Variants in COL18A1 observed in about 807,000 individuals in gnomAD.
The protein encoded by COL18A1 is collagen alpha-1(XVIII) chain.
In COL18A1, 133 loss-of-function variants were observed where a neutral mutation model predicts 168.0. The observed-to-expected ratio is 0.79, with a 90% CI of 0.69 to 0.91. COL18A1 has a LOEUF of 0.91. Ranked by LOEUF, COL18A1 falls within the 40% of genes least tolerant of loss-of-function variation. COL18A1 has a pLI of 0.00. For synonymous variants in COL18A1, 949 were observed against 809.0 expected, an observed-to-expected ratio of 1.17 and a Z score of -2.94; for missense variants, 2,126 against 1,925.4, an observed-to-expected ratio of 1.10 and a Z score of -1.95.
At chr21:45,476,255 T>G (rs2035645387) in intron 5 of COL18A1, 96 bp from the exon 6 acceptor site, 1 of 1,557,912 alleles carries the variant, frequency 6.4e-7, no homozygotes, top group African/African-American at 1.4e-5. Flanking sequence ...TCTTTATCTT[T>G]CTTGCGATCT....
At chr21:45,503,666 T>C (rs538158129) in intron 32 of COL18A1, among the ~76,000 whole-genome samples, 55 of 147,350 alleles carry the variant, frequency 3.7e-4, no homozygotes, top group Admixed American at 1.1e-3. Flanking sequence ...GGGATAGCAT[T>C]GGGAGATATA....
At position 45,477,950 on chromosome 21, in the gene COL18A1, A is replaced by G. The variant is rs768325505; in HGVS notation, c.1206A>G (p.Gly402=). The G allele has an allele frequency of 1.9e-6, 3 of 1,539,552 alleles. No homozygotes were observed. Among genetic ancestry groups the G allele is most frequent in the Admixed American group, 1.9e-5 (1 of 52,824 alleles). ...CTCCGGGGAGGGACGGCACCCCTGG[A>G]AGGGACGGCGAGCCGGTGAGTCCTC... is the stretch of plus-strand genomic sequence containing the variant. ...PGPPGRDGTP[G]RDGEPGDPGE... The change falls in exon 8 of 42, where the codon GGA becomes GGG. Residue 402 remains glycine, a synonymous_variant. Transcript: ENST00000651438.
chr21:45,491,201 C>T (rs143641374), intron 21 of COL18A1, 24 bp from the exon 22 acceptor site: 20,566 of 1,590,656 alleles, frequency 0.013, 190 homozygotes, highest in Non-Finnish European at 0.015. Flanking sequence ...GATGAAATGC[C>T]GGACGCGTGG....
intron 2 of COL18A1, among the ~76,000 whole-genome samples, chr21:45,409,041 T>TGGCTGAGCACAGCCCCACAGGCTGG (rs61006361): frequency 1.3e-5 from 2 of 151,936 alleles, no homozygotes; most frequent in South Asian, 4.2e-4. Context: ...AAGCTGGCTG[T>TGGCTGAGCACAGCCCCACAGGCTGG]GGCTGTGTCT....
chr21:45,452,104 C>A (rs560658064), intron 2 of COL18A1, among the ~76,000 whole-genome samples: 1 of 152,266 alleles, frequency 6.6e-6, no homozygotes, highest in South Asian at 2.1e-4. Flanking sequence ...GAGGCCATGC[C>A]GAAACCCTGG....
chr21:45,444,494 C>G (rs562204235), intron 2 of COL18A1, among the ~76,000 whole-genome samples: 1 of 152,080 alleles, frequency 6.6e-6, no homozygotes, highest in Admixed American at 6.5e-5. Context: ...AATGCACATG[C>G]CAGGATAGTT....
chr21:45,477,302 G>A, intron 6 of COL18A1, 109 bp from the exon 7 acceptor site: 1 of 820,040 alleles, frequency 1.2e-6, no homozygotes, highest in South Asian at 1.4e-5. Flanking sequence ...TGTCCAGCCG[G>A]GCTCCAGGAC....
At chr21:45,496,940 A>C (rs977992660) in intron 30 of COL18A1, 110 bp from the exon 31 acceptor site, 23 of 760,602 alleles carry the variant, frequency 3.0e-5, no homozygotes, top group Non-Finnish European at 5.2e-5. Context: ...GGAGGCTGCT[A>C]TGTGGCCTCA....
At chr21:45,496,420 A>AT (rs1047784094) in intron 29 of COL18A1, 80 bp from the exon 30 acceptor site, 1 of 795,184 alleles carries the variant, frequency 1.3e-6, no homozygotes, top group Non-Finnish European at 2.3e-6. Flanking sequence ...GATTTTTCTG[A>AT]TTTTTCTGAA....
intron 2 of COL18A1, among the ~76,000 whole-genome samples, chr21:45,449,080 C>T (rs1358951559): frequency 1.3e-5 from 2 of 152,174 alleles, no homozygotes; most frequent in African/African-American, 4.8e-5. Flanking sequence ...TGTCTTTTCC[C>T]TGCGGCGCTT....
In COL18A1 at chr21:45,502,625, CG is replaced by C. The variant is rs551460479; in HGVS notation, c.2684-1383del. On this transcript the variant is annotated intron_variant, in intron 32 of 41. Coordinates refer to ENST00000651438, the MANE Select transcript of COL18A1 (RefSeq NM_001379500.1). The stretch of plus-strand genomic sequence containing the variant: ...GCGAACAACATTCCTGCACCTCTGC[CG>C]GGACTGAGGAAAAGGAGAGAAGCAG... The C allele has an allele frequency of 2.6e-5, 4 of 152,232 alleles. No individual in the cohort carries two copies. In the South Asian group the frequency reaches 6.2e-4, roughly 24 times the overall value. The allele number at this position is 152,232 out of a possible 1,614,324, so 9.4% of individuals were successfully genotyped here.
chr21:45,470,425 C>CT (rs1195744330), intron 3 of COL18A1, among the ~76,000 whole-genome samples: 3,014 of 37,094 alleles, frequency 0.081, 244 homozygotes, highest in East Asian at 0.11. Flanking sequence ...TTTACCTTGT[C>CT]TTTTTTTTTT....
chr21:45,497,803 C>T, intron 32 of COL18A1, 142 bp downstream of exon 32: 2 of 1,200,544 alleles, frequency 1.7e-6, no homozygotes, highest in Non-Finnish European at 2.4e-6. Flanking sequence ...GGAAGGAAGC[C>T]CCTTCTGGGT....
intron 2 of COL18A1, among the ~76,000 whole-genome samples, chr21:45,405,809 T>C (rs2033085541): frequency 6.6e-6 from 1 of 151,330 alleles, no homozygotes; most frequent in Admixed American, 6.6e-5. Flanking sequence ...ACGCGGCCTC[T>C]GTCGCCGTCA....
intron 2 of COL18A1, among the ~76,000 whole-genome samples, chr21:45,450,305 T>C (rs1451226928): frequency 6.6e-6 from 1 of 152,164 alleles, no homozygotes. Context: ...GGGTCTGCCC[T>C]GCTCCCTCAT....
Position 45,477,923 on chromosome 21 carries a change from G to T in COL18A1, c.1179G>T (p.Gly393=). The T allele has an allele frequency of 6.4e-7, 1 of 1,565,088 alleles. No individual in the cohort carries two copies. Among genetic ancestry groups the T allele is most frequent in the Non-Finnish European group, 8.7e-7 (1 of 1,154,762 alleles). Residue 393 remains glycine, a synonymous_variant, in exon 8 of 42, where the codon GGG becomes GGT. Coordinates refer to ENST00000651438, the MANE Select transcript of COL18A1 (RefSeq NM_001379500.1). ...QTVPGPQGPP[G]PPGRDGTPGR... ...TCCCCGGACCACAAGGACCCCCAGG[G>T]CCTCCGGGGAGGGACGGCACCCCTG...
chr21:45,480,249 G>C (rs2035845772), intron 11 of COL18A1, 93 bp downstream of exon 11: 2 of 1,136,394 alleles, frequency 1.8e-6, no homozygotes, highest in East Asian at 5.1e-5. Flanking sequence ...TCCACCCTCA[G>C]GGGCTTGCGT....
In COL18A1 at chr21:45,467,245, G is replaced by A. The variant is rs141974757; in HGVS notation, c.107-997G>A. ...TGAGAACTCTGGGCACCGGGGCTGC[G>A]TCCTGGCTTGGGCTCCCTGGGCGAG... is the stretch of plus-strand genomic sequence containing the variant. On this transcript the variant is annotated intron_variant, in intron 2 of 41. Transcript: ENST00000651438. The A allele has an allele frequency of 3.7e-5, 36 of 985,396 alleles. No homozygotes were observed. In the African/African-American group the frequency reaches 3.8e-4, roughly 11 times the overall value. 61.0% of individuals were successfully genotyped at this position (985,396 alleles called of 1,614,324 possible).
intron 6 of COL18A1, 136 bp downstream of exon 6, chr21:45,476,616 G>GAT: frequency 9.0e-7 from 1 of 1,105,276 alleles, no homozygotes. Flanking sequence ...ATGTGTGTGT[G>GAT]ATATGGCACG....
Sources: allele counts gnomAD v4.1 joint callset (sites outside exome capture counted in the v4.1 genomes callset), GRCh38; gene constraint gnomAD v4.1.1; transcripts MANE v1.5; gene names NCBI Gene and HGNC (gene_info 2026-07-23, HGNC 2026-07-21).